ZNF544: variants seen among roughly 807,000 people sequenced by gnomAD.
ZNF544 encodes zinc finger protein AF020591.
Under a neutral mutation model 13.5 loss-of-function variants are expected in ZNF544, and 10 were observed. The observed-to-expected ratio is 0.74, with a 90% CI of 0.46 to 1.25. ZNF544 has a LOEUF of 1.25. Among genes scored for constraint, ZNF544 ranks in the 50% most tolerant of loss-of-function variants. ZNF544 has a pLI of 0.00. For missense variants in ZNF544, 896 were observed against 845.6 expected (o/e 1.06, Z -0.74); for synonymous variants, 323 against 300.5 (o/e 1.07, Z -0.77).
intron 6 of ZNF544, among the ~76,000 whole-genome samples, chr19:58,256,729 A>G (rs1462778518): frequency 6.6e-6 from 1 of 152,124 alleles, no homozygotes; most frequent in Non-Finnish European, 1.5e-5. Context: ...GCTCTTTTGA[A>G]ATGCTGAGGA....
At chr19:58,241,646 G>A (rs2043896927) in intron 3 of ZNF544, among the ~76,000 whole-genome samples, 5 of 151,850 alleles carry the variant, frequency 3.3e-5, no homozygotes, top group Admixed American at 3.3e-4. Context: ...ACAGGCGCCC[G>A]CCACCACACC....
chr19:58,248,876 G>A (rs755911585), intron 6 of ZNF544, among the ~76,000 whole-genome samples: 5 of 152,172 alleles, frequency 3.3e-5, no homozygotes, highest in Admixed American at 6.5e-5. Context: ...TTTAAATCCC[G>A]AGAGGTTTCC....
chr19:58,272,295 G>A (rs1049972267), intron 5 of ZNF544, among the ~76,000 whole-genome samples: 4 of 152,142 alleles, frequency 2.6e-5, no homozygotes, highest in Non-Finnish European at 5.9e-5. Flanking sequence ...TGGGTGTGGT[G>A]GCTTACACCT....
At chr19:58,276,420 A>T (rs926345620) in exon 6 of ZNF544, 1 of 1,231,198 alleles carries the variant, frequency 8.1e-7, no homozygotes, top group Non-Finnish European at 1.0e-6. Context: ...AGCAGCTGCC[A>T]CTTGCTCAGG....
At chr19:58,276,266 G>T (rs2051215716) in intron 5 of ZNF544, 3 of 915,340 alleles carry the variant, frequency 3.3e-6, no homozygotes. Flanking sequence ...CTCCAACACT[G>T]GTGGCCACTG....
At position 58,261,326 on chromosome 19, in the gene ZNF544, C is replaced by A; in HGVS notation, c.720C>A (p.Asn240Lys). The A allele has an allele frequency of 6.2e-7, 1 of 1,614,116 alleles. No individual in the cohort carries two copies. The highest frequency in any genetic ancestry group is 1.7e-5 in the Admixed American group (1 of 60,020). Residue 240 changes from asparagine (N) to lysine (K), a missense_variant, in exon 7 of 7, where the codon AAC (asparagine) becomes AAA (lysine). Coordinates refer to ENST00000687789, the MANE Select transcript of ZNF544 (RefSeq NM_014480.4). ...GAAACGTTGAAACAGGAAAGAAAAA[C>A]CCTTATGAATATATTGTCAGTGGTG... ...KLGNVETGKKNPYEYIVSGDS... is the reference protein window; with the variant it reads ...KLGNVETGKKKPYEYIVSGDS...
At chr19:58,275,466 C>T (rs1052580271) in intron 5 of ZNF544, among the ~76,000 whole-genome samples, 4 of 151,824 alleles carry the variant, frequency 2.6e-5, no homozygotes, top group African/African-American at 9.7e-5. Flanking sequence ...TTAAGAACTA[C>T]TGCAATAGAC....
chr19:58,269,229 G>GT (rs1198320120), intron 5 of ZNF544, among the ~76,000 whole-genome samples: 1 of 152,026 alleles, frequency 6.6e-6, no homozygotes, highest in East Asian at 1.9e-4. Flanking sequence ...GAAGTCAAGA[G>GT]TTTGAGACCA....
chr19:58,243,196 G>T (rs376673645), intron 3 of ZNF544, among the ~76,000 whole-genome samples: 1 of 152,052 alleles, frequency 6.6e-6, no homozygotes, highest in East Asian at 1.9e-4. Flanking sequence ...CCATCAGGTC[G>T]AGTGAGCGTA....
chr19:58,262,246 C>G lies in ZNF544; in HGVS notation c.1640C>G (p.Pro547Arg), dbSNP rs137923606. Residue 547 changes from proline (P) to arginine (R), a missense_variant, in exon 7 of 7, where the codon CCG (proline) becomes CGG (arginine). Transcript: ENST00000687789. ...THQRIHTGEK[P>R]YQCIECGKSF... is the part of the protein sequence containing the mutation. ...CAGCGAATTCACACTGGAGAAAAAC[C>G]GTATCAGTGTATTGAATGTGGGAAA... The G allele has an allele frequency of 6.2e-7, 1 of 1,614,036 alleles. No homozygotes were observed. Among genetic ancestry groups the G allele is most frequent in the East Asian group, 2.2e-5 (1 of 44,876 alleles).
At chr19:58,256,692 G>A (rs372804590) in intron 6 of ZNF544, among the ~76,000 whole-genome samples, 111 of 152,208 alleles carry the variant, frequency 7.3e-4, no homozygotes, top group African/African-American at 2.5e-3. Flanking sequence ...ATACATTGTT[G>A]GTGTTAGTGC....
Position 58,241,181 on chromosome 19 carries a change from T to TATATA in ZNF544, c.-59-2784_-59-2783insATATA, listed in dbSNP as rs60251692. Reference sequence around the variant, plus strand: ...TATTTAAATATATATATATATATATTTTTTTTTTTTTGTAGAGATAGGGTC... The same window carrying TATATA: ...TATTTAAATATATATATATATATATTATATATTTTTTTTTTTGTAGAGATAGGGTC... On this transcript the variant is annotated intron_variant, in intron 3 of 6. Coordinates refer to ENST00000687789, the MANE Select transcript of ZNF544 (RefSeq NM_014480.4). Among the ~76,000 whole-genome samples the TATATA allele has an allele frequency of 1.5e-3, 79 of 51,270 alleles. 3 individuals carry two copies. The highest frequency in any genetic ancestry group is 2.1e-3 in the Non-Finnish European group (62 of 29,116). The allele number at this position is 51,270 out of a possible 152,430, so 33.6% of individuals were successfully genotyped here. A position where few individuals can be genotyped will look rare whatever the true frequency, so the allele number is the denominator to read the frequency against.
At chr19:58,243,610 C>T (rs944389369) in intron 3 of ZNF544, among the ~76,000 whole-genome samples, 1 of 152,038 alleles carries the variant, frequency 6.6e-6, no homozygotes, top group Non-Finnish European at 1.5e-5. Context: ...CCCCACACCC[C>T]CATTGTCATC....
At chr19:58,268,410 C>G (rs961307895), downstream of ZNF544, among the ~76,000 whole-genome samples, 3 of 152,188 alleles carry the variant, frequency 2.0e-5, no homozygotes, top group Non-Finnish European at 2.9e-5. Flanking sequence ...GTTATAGATA[C>G]AATGTTTAGT....
At chr19:58,229,315 C>G (rs1473682492) in intron 1 of ZNF544, 153 bp from the exon 2 acceptor site, 1 of 101,850 alleles carries the variant, frequency 9.8e-6, no homozygotes, top group African/African-American at 4.1e-5. Flanking sequence ...CTGGGTGGGA[C>G]TGGGTGGGCC....
In ZNF544 at chr19:58,246,584, G is replaced by T. The variant is rs1600286916; in HGVS notation, c.161-127G>T. ...GCCCTTCATTCTATCTCTGGGACAG[G>T]TTTGTGACTTGTAGTCCTAACAGTG... On this transcript the variant is annotated intron_variant, in intron 5 of 6. Transcript: ENST00000687789. 6 of 1,462,264 alleles carry T rather than the reference G, an allele frequency of 4.1e-6. No individual in the cohort carries two copies. The East Asian group carries it at 1.1e-4, about 28-fold the overall frequency. The allele number at this position is 1,462,264 out of a possible 1,614,324, so 90.6% of individuals were successfully genotyped here.
intron 5 of ZNF544, among the ~76,000 whole-genome samples, chr19:58,270,237 T>C (rs1409720592): frequency 3.3e-5 from 5 of 151,828 alleles, no homozygotes; most frequent in African/African-American, 1.2e-4. Flanking sequence ...GGAGATGCAG[T>C]CAGATTGTTG....
At chr19:58,268,774 C>T (rs559294310), downstream of ZNF544, among the ~76,000 whole-genome samples, 6 of 152,326 alleles carry the variant, frequency 3.9e-5, no homozygotes, top group African/African-American at 9.6e-5. Context: ...TAAGCTGGAA[C>T]GTGACCATGA....
Position 58,263,164 on chromosome 19 carries a change from G to A in ZNF544, c.*410G>A. On this transcript the variant is annotated 3_prime_UTR_variant, in exon 7 of 7. Coordinates refer to ENST00000687789, the MANE Select transcript of ZNF544 (RefSeq NM_014480.4). The stretch of plus-strand genomic sequence containing the variant: ...AAAGCTCATGGGCAAGAAACTCTAT[G>A]AATAACCAAGATGGAGCCGGGTGCA... The A allele has an allele frequency of 1.0e-6, 1 of 998,862 alleles. No homozygotes were observed. 61.9% of individuals were successfully genotyped at this position (998,862 alleles called of 1,614,324 possible).
Sources: gnomAD v4.1 joint callset for allele counts (sites outside exome capture counted in the v4.1 genomes callset) on GRCh38, gnomAD v4.1.1 for gene constraint, MANE v1.5 for transcripts, NCBI Gene and HGNC (gene_info 2026-07-23, HGNC 2026-07-21) for gene names.